TBC1D5: variants seen among roughly 807,000 people sequenced by gnomAD.
The protein encoded by TBC1D5 is TBC1 domain family member 5.
A neutral mutation model predicts 100.3 loss-of-function variants in TBC1D5; 75 were observed. The observed-to-expected ratio is 0.75, with a 90% CI of 0.62 to 0.91. The LOEUF (loss-of-function observed/expected upper bound fraction) is 0.91. Among genes scored for constraint, TBC1D5 ranks in the 40% least tolerant of loss-of-function variants. The pLI, the probability that TBC1D5 is intolerant of heterozygous loss-of-function variation, is 0.00. For synonymous variants in TBC1D5, 323 were observed against 325.6 expected (o/e 0.99, Z 0.09); for missense variants, 910 against 942.4 (o/e 0.97, Z 0.45).
At chr3:17,691,093 C>A (rs1014645126) in intron 1 of TBC1D5, among the ~76,000 whole-genome samples, 1 of 152,184 alleles carries the variant, frequency 6.6e-6, no homozygotes, top group Non-Finnish European at 1.5e-5. Context: ...ACTGAGCTTA[C>A]ATTTTGATGG....
intron 19 of TBC1D5, among the ~76,000 whole-genome samples, chr3:17,178,791 C>A (rs2125387230): frequency 6.6e-6 from 1 of 152,144 alleles, no homozygotes; most frequent in African/African-American, 2.4e-5. Context: ...AGACATATGC[C>A]ACCATGCCCA....
intron 16 of TBC1D5, among the ~76,000 whole-genome samples, chr3:17,250,858 A>G (rs1042114809): frequency 4.6e-5 from 7 of 152,190 alleles, no homozygotes; most frequent in African/African-American, 1.7e-4. Flanking sequence ...TGTTTCTTGC[A>G]TTAAAATATA....
chr3:17,616,876 T>C (rs2062210765), intron 2 of TBC1D5, among the ~76,000 whole-genome samples: 2 of 152,338 alleles, frequency 1.3e-5, no homozygotes, highest in South Asian at 4.1e-4. Context: ...TTGGGGCATT[T>C]AGCCCATTTA....
intron 14 of TBC1D5, among the ~76,000 whole-genome samples, chr3:17,294,561 A>G (rs2082066746): frequency 6.6e-6 from 1 of 152,212 alleles, no homozygotes; most frequent in Admixed American, 6.5e-5. Flanking sequence ...TATAAAATAT[A>G]TAAGGGAAGC....
Position 17,634,228 on chromosome 3 carries a change from G to A in TBC1D5, c.-100-10315C>T, listed in dbSNP as rs1016473238. 2.6e-5 allele frequency among the ~76,000 whole-genome samples: 4 copies of A among 152,116 alleles called. No individual in the cohort carries two copies. The South Asian group carries it at 8.3e-4, about 32-fold the overall frequency. On this transcript the variant is annotated intron_variant, in intron 1 of 21. Coordinates refer to ENST00000253692, the Ensembl canonical transcript of TBC1D5. ...CCAGCAATCCCACTGCTGGGTATAT[G>A]CCCAAAAGAGAGGAAATCAGTATAT...
intron 1 of TBC1D5, among the ~76,000 whole-genome samples, chr3:17,692,112 A>C (rs1319663578): frequency 6.6e-6 from 1 of 152,080 alleles, no homozygotes; most frequent in Non-Finnish European, 1.5e-5. Flanking sequence ...CTTTTTTTTG[A>C]GATGAGGCCT....
chr3:17,528,889 G>A (rs2096177665), intron 2 of TBC1D5, among the ~76,000 whole-genome samples: 1 of 152,146 alleles, frequency 6.6e-6, no homozygotes, highest in Non-Finnish European at 1.5e-5. Flanking sequence ...CACTTCATCA[G>A]TCTATATGTC....
chr3:17,300,682 G>T (rs2082732370), intron 14 of TBC1D5, among the ~76,000 whole-genome samples: 1 of 152,196 alleles, frequency 6.6e-6, no homozygotes, highest in South Asian at 2.1e-4. Flanking sequence ...GGCAGGAAGT[G>T]GGTAGAAGTG....
At chr3:17,376,575 A>C (rs1161556803) in exon 10 of TBC1D5, 2 of 1,613,028 alleles carry the variant, frequency 1.2e-6, no homozygotes, top group Non-Finnish European at 1.7e-6. Flanking sequence ...GGTCACAGTG[A>C]AGGACAAAGA....
At chr3:17,531,255 T>C (rs2096220258) in intron 2 of TBC1D5, among the ~76,000 whole-genome samples, 1 of 152,040 alleles carries the variant, frequency 6.6e-6, no homozygotes, top group Non-Finnish European at 1.5e-5. Flanking sequence ...GAGAATAAAA[T>C]ACCTAGGAAT....
intron 2 of TBC1D5, among the ~76,000 whole-genome samples, chr3:17,516,222 T>C (rs931447414): frequency 1.3e-5 from 2 of 152,216 alleles, no homozygotes; most frequent in African/African-American, 2.4e-5. Context: ...TGCTCTTCCA[T>C]AGCAGTATTT....
At chr3:17,226,848 G>C (rs2074955958) in intron 17 of TBC1D5, among the ~76,000 whole-genome samples, 1 of 152,114 alleles carries the variant, frequency 6.6e-6, no homozygotes, top group Admixed American at 6.6e-5. Flanking sequence ...TAGATTGTAA[G>C]ACATTCTTAA....
At chr3:17,209,553 G>T (rs1180815263) in intron 18 of TBC1D5, among the ~76,000 whole-genome samples, 1 of 152,188 alleles carries the variant, frequency 6.6e-6, no homozygotes, top group Non-Finnish European at 1.5e-5. Flanking sequence ...CTTCATGCAA[G>T]CACATAGTTC....
At chr3:17,217,254 C>G (rs369489167) in intron 17 of TBC1D5, among the ~76,000 whole-genome samples, 2 of 152,206 alleles carry the variant, frequency 1.3e-5, no homozygotes, top group East Asian at 1.9e-4. Flanking sequence ...ATGGGTACCA[C>G]ATTTAGTTTA....
chr3:17,560,083 A>G (rs2096548789), intron 2 of TBC1D5, among the ~76,000 whole-genome samples: 1 of 152,210 alleles, frequency 6.6e-6, no homozygotes, highest in South Asian at 2.1e-4. Context: ...CTGATGAGAA[A>G]ATACAATGGC....
At chr3:17,667,415 T>C (rs931293413) in intron 1 of TBC1D5, among the ~76,000 whole-genome samples, 1 of 152,186 alleles carries the variant, frequency 6.6e-6, no homozygotes, top group Non-Finnish European at 1.5e-5. Context: ...GCAATTACTT[T>C]TGTTATAAGG....
chr3:17,322,577 C>T (rs1294414581), intron 13 of TBC1D5, among the ~76,000 whole-genome samples: 1 of 152,082 alleles, frequency 6.6e-6, no homozygotes, highest in Non-Finnish European at 1.5e-5. Flanking sequence ...AAGGAGAAAC[C>T]CAAAGCAGAA....
At chr3:17,163,484 T>C (rs2066288989) in intron 21 of TBC1D5, among the ~76,000 whole-genome samples, 1 of 152,232 alleles carries the variant, frequency 6.6e-6, no homozygotes, top group Non-Finnish European at 1.5e-5. Flanking sequence ...TGTAAATCCC[T>C]AGGTCAATCC....
At chr3:17,390,700 G>T (rs146911355) in intron 8 of TBC1D5, among the ~76,000 whole-genome samples, 131 of 152,180 alleles carry the variant, frequency 8.6e-4, no homozygotes, top group African/African-American at 2.7e-3. Context: ...AAACTCCCTA[G>T]AATACTATTA....
Sources: allele counts gnomAD v4.1 joint callset (sites outside exome capture counted in the v4.1 genomes callset), GRCh38; gene constraint gnomAD v4.1.1; transcripts MANE v1.5; gene names NCBI Gene and HGNC (gene_info 2026-07-23, HGNC 2026-07-21).